MYO16: variants seen among roughly 807,000 people sequenced by gnomAD.
MYO16 encodes the protein myosin XVI, also known as unconventional myosin-XVI.
A neutral mutation model predicts 205.3 loss-of-function variants in MYO16; 94 were observed. The observed-to-expected ratio is 0.46, with a 90% CI of 0.39 to 0.54. The LOEUF is 0.54. Ranked by LOEUF, MYO16 falls within the 20% of genes least tolerant of loss-of-function variation. MYO16 has a pLI of 0.00. For missense variants in MYO16, 2,315 were observed against 2,387.5 expected, an observed-to-expected ratio of 0.97 and a Z score of 0.63; for synonymous variants, 988 against 954.0, an observed-to-expected ratio of 1.04 and a Z score of -0.66.
Position 109,180,301 on chromosome 13 carries a change from T to C in MYO16, c.5415+668T>C, listed in dbSNP as rs1018501203. Among the ~76,000 whole-genome samples, 3 of 152,252 alleles carry C rather than the reference T, an allele frequency of 2.0e-5. 1 individual carries two copies. The highest frequency in any genetic ancestry group is 7.2e-5 in the African/African-American group (3 of 41,472). ...CTAGAAAGTGAAAGAATTTATATTA[T>C]AGAATGTACTGTTTTATTTTCCTTT... On this transcript the variant is annotated intron_variant, in intron 34 of 34. Coordinates refer to ENST00000457511, the MANE Select transcript of MYO16 (RefSeq NM_001198950.3).
chr13:109,139,671 G>A (rs1876944831), intron 31 of MYO16, among the ~76,000 whole-genome samples: 1 of 150,388 alleles, frequency 6.6e-6, no homozygotes, highest in African/African-American at 2.4e-5. Context: ...AGTTTAAGGG[G>A]TCTACGTGAA....
chr13:109,033,593 G>C (rs1886613578), intron 23 of MYO16, among the ~76,000 whole-genome samples: 1 of 152,082 alleles, frequency 6.6e-6, no homozygotes, highest in African/African-American at 2.4e-5. Flanking sequence ...TTCCATCTCA[G>C]GAATAAACTG....
intron 1 of MYO16, among the ~76,000 whole-genome samples, chr13:108,655,895 C>G (rs1035900905): frequency 6.6e-6 from 1 of 152,130 alleles, no homozygotes. Flanking sequence ...TGTATTTACC[C>G]AATACCTGTA....
chr13:108,833,811 T>C (rs1876750375), intron 9 of MYO16, among the ~76,000 whole-genome samples: 1 of 151,678 alleles, frequency 6.6e-6, no homozygotes, highest in African/African-American at 2.4e-5. Context: ...TATTCTCATC[T>C]ATTTTTTTTC....
chr13:108,844,080 G>C (rs906344324), intron 9 of MYO16, among the ~76,000 whole-genome samples: 2 of 152,046 alleles, frequency 1.3e-5, no homozygotes, highest in African/African-American at 4.8e-5. Context: ...ATCTATTATA[G>C]TCAGATATAC....
intron 27 of MYO16, among the ~76,000 whole-genome samples, chr13:109,070,252 TTTCATCACCAGGA>T (rs1384445785): frequency 6.6e-6 from 1 of 152,202 alleles, no homozygotes; most frequent in Non-Finnish European, 1.5e-5. Context: ...TCTCATTGGA[TTTCATCACCAGGA>T]TTCTGTATTC....
chr13:108,720,146 T>A (rs780820881), intron 3 of MYO16, among the ~76,000 whole-genome samples: 1 of 152,172 alleles, frequency 6.6e-6, no homozygotes, highest in Non-Finnish European at 1.5e-5. Flanking sequence ...GTATAATATT[T>A]GCCAGAGAGA....
intron 20 of MYO16, among the ~76,000 whole-genome samples, chr13:108,979,094 T>C (rs1377576686): frequency 1.3e-5 from 2 of 152,036 alleles, no homozygotes; most frequent in Non-Finnish European, 2.9e-5. Flanking sequence ...AGAATCTGCC[T>C]ATGCAAATTA....
the MYO16 span, among the ~76,000 whole-genome samples, chr13:108,590,181 A>G: frequency 6.6e-6 from 1 of 152,220 alleles, no homozygotes; most frequent in Non-Finnish European, 1.5e-5. Flanking sequence ...AATTGCCAGT[A>G]TATTTGTATA....
intron 16 of MYO16, among the ~76,000 whole-genome samples, chr13:108,946,356 G>C (rs1299777257): frequency 6.6e-6 from 1 of 152,080 alleles, no homozygotes; most frequent in Admixed American, 6.5e-5. Flanking sequence ...TTGACCAAAG[G>C]AAACGAGTAG....
chr13:108,534,806 C>T, the MYO16 span, among the ~76,000 whole-genome samples: 2 of 149,730 alleles, frequency 1.3e-5, no homozygotes, highest in South Asian at 4.3e-4. Context: ...CTTCTTCCTT[C>T]CTTCCTCCTC....
At chr13:109,173,018 A>G (rs771199418) in intron 33 of MYO16, among the ~76,000 whole-genome samples, 6 of 152,248 alleles carry the variant, frequency 3.9e-5, no homozygotes, top group Non-Finnish European at 8.8e-5. Context: ...AATCTCTGGG[A>G]TGAATAGAAG....
chr13:108,695,079 TC>T (rs1441124004), intron 2 of MYO16, among the ~76,000 whole-genome samples: 1 of 152,174 alleles, frequency 6.6e-6, no homozygotes, highest in African/African-American at 2.4e-5. Flanking sequence ...ACCATTGCAC[TC>T]CAGCCTGGGC....
At position 108,847,677 on chromosome 13, in the gene MYO16, A is replaced by G. The variant is rs558892939; in HGVS notation, c.1248+3184A>G. On this transcript the variant is annotated intron_variant, in intron 10 of 34. Coordinates refer to ENST00000457511, the MANE Select transcript of MYO16 (RefSeq NM_001198950.3). The stretch of plus-strand genomic sequence containing the variant: ...ATGAATACTAAAGGCTTGATTTGAC[A>G]TTTTATTTTTTTTAATTTCCGAGAA... 3.9e-5 allele frequency among the ~76,000 whole-genome samples: 6 copies of G among 152,152 alleles called. No homozygotes were observed. In the South Asian group the frequency reaches 1.2e-3, roughly 32 times the overall value.
chr13:108,803,157 G>A (rs1712028554), intron 6 of MYO16, among the ~76,000 whole-genome samples: 1 of 152,098 alleles, frequency 6.6e-6, no homozygotes, highest in African/African-American at 2.4e-5. Context: ...GCTTGAAAGG[G>A]CCCAAGAGTG....
chr13:108,955,582 C>T (rs900996337), intron 16 of MYO16, among the ~76,000 whole-genome samples: 6 of 152,306 alleles, frequency 3.9e-5, no homozygotes, highest in African/African-American at 1.4e-4. Flanking sequence ...CAGCCAGGCG[C>T]GGTGGCTCAT....
intron 4 of MYO16, among the ~76,000 whole-genome samples, chr13:108,737,639 T>C (rs554258218): frequency 1.3e-5 from 2 of 152,206 alleles, no homozygotes; most frequent in Admixed American, 6.5e-5. Context: ...ATCAGGATGA[T>C]GTTGGCCTCA....
At chr13:108,498,218 A>C in the MYO16 span, among the ~76,000 whole-genome samples, 2 of 152,234 alleles carry the variant, frequency 1.3e-5, no homozygotes, top group Admixed American at 1.3e-4. Context: ...ACACATGTTC[A>C]TAGAACGAGA....
At chr13:108,558,816 T>C in the MYO16 span, among the ~76,000 whole-genome samples, 1 of 152,220 alleles carries the variant, frequency 6.6e-6, no homozygotes, top group Non-Finnish European at 1.5e-5. Context: ...TATCCCATCC[T>C]TGGGTATCTG....
Sources: gnomAD v4.1 joint callset for allele counts (sites outside exome capture counted in the v4.1 genomes callset) on GRCh38, gnomAD v4.1.1 for gene constraint, MANE v1.5 for transcripts, NCBI Gene and HGNC (gene_info 2026-07-23, HGNC 2026-07-21) for gene names.